The following PSMD5 variants were observed in gnomAD, a reference collection of about 807,000 sequenced individuals.
PSMD5 encodes 26S proteasome non-ATPase regulatory subunit 5.
In PSMD5, 40 loss-of-function variants were observed where a neutral mutation model predicts 52.1. The observed-to-expected ratio is 0.77, with a 90% CI of 0.60 to 1.00. PSMD5 has a LOEUF of 1.00. PSMD5 is among the 50% of genes least tolerant of loss of function. The pLI is 0.00. For synonymous variants in PSMD5, 211 were observed against 226.6 expected (o/e 0.93, Z 0.62); for missense variants, 575 against 605.2 (o/e 0.95, Z 0.52).
At chr9:120,819,506 T>C (rs995341098) in intron 9 of PSMD5, among the ~76,000 whole-genome samples, 1 of 152,162 alleles carries the variant, frequency 6.6e-6, no homozygotes, top group Non-Finnish European at 1.5e-5. Context: ...GGCCATCTCA[T>C]ACAATGACCA....
intron 4 of PSMD5, among the ~76,000 whole-genome samples, chr9:120,829,831 TGTCAGTCA>T (rs528599434): frequency 6.6e-6 from 1 of 152,190 alleles, no homozygotes; most frequent in Non-Finnish European, 1.5e-5. Flanking sequence ...TCAGGCATCC[TGTCAGTCA>T]GTCAGTCAGT....
intron 2 of PSMD5, among the ~76,000 whole-genome samples, chr9:120,832,312 C>T (rs1401580948): frequency 6.6e-6 from 1 of 151,628 alleles, no homozygotes; most frequent in Non-Finnish European, 1.5e-5. Flanking sequence ...TAAATGAGAC[C>T]GAACAGGCAA....
At chr9:120,836,376 C>T (rs545871099) in intron 1 of PSMD5, among the ~76,000 whole-genome samples, 19 of 150,788 alleles carry the variant, frequency 1.3e-4, no homozygotes, top group South Asian at 1.3e-3. Flanking sequence ...TATCTTTCTA[C>T]GTGCATATTT....
At chr9:120,827,648 AC>A (rs2045131589) in intron 5 of PSMD5, among the ~76,000 whole-genome samples, 1 of 152,258 alleles carries the variant, frequency 6.6e-6, no homozygotes, top group South Asian at 2.1e-4. Flanking sequence ...ACTCAAATGC[AC>A]TGAAGCAATG....
At position 120,824,905 on chromosome 9, in the gene PSMD5, T is replaced by G. The variant is rs183750323; in HGVS notation, c.815-220A>C. The G allele has an allele frequency of 1.6e-4, 68 of 425,236 alleles. No homozygotes were observed. The Admixed American group carries it at 1.7e-3, about 10-fold the overall frequency. 26.3% of individuals were successfully genotyped at this position (425,236 alleles called of 1,614,324 possible). ...CGTCAATGGAGCTGGGACCAGCTAT[T>G]GAAGTACTGGCATATGCAAGAGGGA... On this transcript the variant is annotated intron_variant, in intron 6 of 9. Transcript: ENST00000210313.
At position 120,831,430 on chromosome 9, in the gene PSMD5, T is replaced by G. The variant is rs2045159173; in HGVS notation, c.462A>C (p.Leu154=). The G allele has an allele frequency of 1.9e-6, 3 of 1,611,102 alleles. No individual in the cohort carries two copies. The South Asian group carries it at 3.3e-5, about 18-fold the overall frequency. Residue 154 remains leucine (L), a synonymous_variant, in exon 4 of 10, where the codon CTA becomes CTC. Coordinates refer to ENST00000210313, the MANE Select transcript of PSMD5 (RefSeq NM_005047.4). ...AAIKSLSRIS[L]TQAGLEALFE... is the part of the protein sequence containing the mutation. ...ATAAAGCCTCCAGTCCAGCTTGGGTTAGTGATATTCTTGACAGGGATTTGA... is the reference window on the plus strand; with the variant it reads ...ATAAAGCCTCCAGTCCAGCTTGGGTGAGTGATATTCTTGACAGGGATTTGA...
chr9:120,839,546 T>C (rs2131438435), intron 1 of PSMD5, among the ~76,000 whole-genome samples: 1 of 152,282 alleles, frequency 6.6e-6, no homozygotes, highest in Admixed American at 6.5e-5. Context: ...TGTTAACTGA[T>C]AGACATCATG....
intron 7 of PSMD5, among the ~76,000 whole-genome samples, chr9:120,822,071 CA>C (rs1486465860): frequency 6.6e-6 from 1 of 151,974 alleles, no homozygotes; most frequent in African/African-American, 2.4e-5. Flanking sequence ...ATAAAATGTA[CA>C]AGGGTTACAA....
intron 4 of PSMD5, among the ~76,000 whole-genome samples, chr9:120,831,009 G>A (rs1324050701): frequency 6.6e-6 from 1 of 152,052 alleles, no homozygotes; most frequent in Non-Finnish European, 1.5e-5. Flanking sequence ...TCAACCTCCT[G>A]AGTAGCTGGG....
chr9:120,819,658 C>T (rs1299826957), intron 9 of PSMD5, among the ~76,000 whole-genome samples: 1 of 152,098 alleles, frequency 6.6e-6, no homozygotes, highest in Non-Finnish European at 1.5e-5. Flanking sequence ...CACAGTGAAA[C>T]CCCGTCTCTA....
chr9:120,817,553 T>G lies in PSMD5; in HGVS notation c.*353A>C. On this transcript the variant is annotated 3_prime_UTR_variant, in exon 10 of 10. Coordinates refer to ENST00000210313, the MANE Select transcript of PSMD5 (RefSeq NM_005047.4). The stretch of plus-strand genomic sequence containing the variant: ...CCAAAGTGCTGGGAATTATAGGTGT[T>G]AGCCACCGCGCCCAGCCCTGAAGCA... The G allele has an allele frequency of 5.2e-6, 1 of 192,910 alleles. No homozygotes were observed. Among genetic ancestry groups the G allele is most frequent in the African/African-American group, 2.3e-5 (1 of 43,064 alleles). 11.9% of individuals were successfully genotyped at this position (192,910 alleles called of 1,614,324 possible).
At chr9:120,819,709 C>T (rs570794428) in intron 9 of PSMD5, among the ~76,000 whole-genome samples, 2 of 152,178 alleles carry the variant, frequency 1.3e-5, no homozygotes, top group African/African-American at 4.8e-5. Flanking sequence ...TGGTGGTGGG[C>T]GCCCGTAGGC....
intron 1 of PSMD5, among the ~76,000 whole-genome samples, chr9:120,834,093 C>T (rs59210682): frequency 0.059 from 8,934 of 151,362 alleles, 824 homozygotes; most frequent in African/African-American, 0.2. Context: ...AATTCCCCTG[C>T]CTCAGCCTCC....
chr9:120,831,454 G>C lies in PSMD5; in HGVS notation c.438C>G (p.Ile146Met), dbSNP rs764478153. ...TTAGTGATATTCTTGACAGGGATTT[G>C]ATAGCCTTATAACGAAAGAAAATAT... is the stretch of plus-strand genomic sequence containing the variant. ...GENLSVAKAA[I>M]KSLSRISLTQ... Residue 146 changes from isoleucine (I) to methionine (M), a missense_variant, in exon 4 of 10, where the codon ATC becomes ATG. Coordinates refer to ENST00000210313, the MANE Select transcript of PSMD5 (RefSeq NM_005047.4). 1 of 1,606,634 alleles carries C rather than the reference G, an allele frequency of 6.2e-7. No individual in the cohort carries two copies. Among genetic ancestry groups the C allele is most frequent in the Admixed American group, 1.7e-5 (1 of 58,090 alleles).
chr9:120,819,186 C>A (rs1342807113), intron 9 of PSMD5, among the ~76,000 whole-genome samples: 1 of 152,098 alleles, frequency 6.6e-6, no homozygotes, highest in Non-Finnish European at 1.5e-5. Flanking sequence ...CTAGTTTTTT[C>A]CTCTCAAAAT....
chr9:120,828,441 TTC>T (rs1491268718), intron 5 of PSMD5, among the ~76,000 whole-genome samples: 2 of 72,624 alleles, frequency 2.8e-5, no homozygotes, highest in East Asian at 7.7e-4. Context: ...AAAGCTCATA[TTC>T]TTTTTTTTTT....
chr9:120,829,225 AAC>A lies in PSMD5; in HGVS notation c.562-19_562-18del, dbSNP rs749141350. 18 of 1,565,852 alleles carry A rather than the reference AAC, an allele frequency of 1.1e-5. No individual in the cohort carries two copies. Among genetic ancestry groups the A allele is most frequent in the Middle Eastern group, 1.7e-4 (1 of 5,812 alleles). On this transcript the variant is annotated intron_variant, in intron 4 of 9. Transcript: ENST00000210313. ...TATAATTAGCTGAAATAAAAAAAAA[AAC>A]ACAGAAAAAAGAAAAAGGTCAAATC...
At position 120,826,803 on chromosome 9, in the gene PSMD5, C is replaced by T; in HGVS notation, c.776G>A (p.Gly259Glu). The change falls in exon 6 of 10, where the codon GGG (glycine) becomes GAG (glutamate). Residue 259 changes from glycine (G) to glutamate (E), a missense_variant. Coordinates refer to ENST00000210313, the MANE Select transcript of PSMD5 (RefSeq NM_005047.4). Reference sequence around the variant, plus strand: ...GCTAGAGAAAGGGTCTGAATCTGCCCCAACAATTATATTAGAAATTTGGTC... The same window carrying T: ...GCTAGAGAAAGGGTCTGAATCTGCCTCAACAATTATATTAGAAATTTGGTC... ...VIDQISNIIV[G>E]ADSDPFSSFY... 6.2e-7 allele frequency: 1 copy of T among 1,613,852 alleles called. No individual in the cohort carries two copies. Among genetic ancestry groups the T allele is most frequent in the East Asian group, 2.2e-5 (1 of 44,872 alleles).
At chr9:120,824,109 TAAAAAAAAAAAAAAA>T (rs34305055) in intron 7 of PSMD5, 1 of 111,068 alleles carries the variant, frequency 9.0e-6, no homozygotes, top group Non-Finnish European at 1.7e-5. Flanking sequence ...CTCAATCTCT[TAAAAAAAAAAAAAAA>T]AAAAAAAAGA....
Sources: gnomAD v4.1 joint callset for allele counts (sites outside exome capture counted in the v4.1 genomes callset) on GRCh38, gnomAD v4.1.1 for gene constraint, MANE v1.5 for transcripts, NCBI Gene and HGNC (gene_info 2026-07-23, HGNC 2026-07-21) for gene names.